ATN1: variants seen among roughly 807,000 people sequenced by gnomAD.
ATN1 encodes the protein atrophin-1.
Under a neutral mutation model 85.8 loss-of-function variants are expected in ATN1, and 19 were observed. The ratio of observed to expected loss-of-function variants is 0.22; its 90% CI spans 0.15 to 0.32. The LOEUF (loss-of-function observed/expected upper bound fraction) is 0.32. Ranked by LOEUF, ATN1 falls within the 10% of genes least tolerant of loss-of-function variation. The pLI is 1.00. For missense variants in ATN1, 1,453 were observed against 1,564.5 expected (o/e 0.93, Z 1.20); for synonymous variants, 674 against 657.0 (o/e 1.03, Z -0.39).
chr12:6,926,085 C>T (rs903412355), upstream of ATN1, among the ~76,000 whole-genome samples: 54 of 152,168 alleles, frequency 3.5e-4, 1 homozygote, highest in Admixed American at 3.3e-4. Context: ...GGCGGAGGTG[C>T]TGGCTTCACG....
In ATN1 at chr12:6,933,891, T is replaced by C. The variant is rs1379021836; in HGVS notation, c.-111T>C. The C allele has an allele frequency of 1.4e-5, 19 of 1,370,110 alleles. No individual in the cohort carries two copies. In the South Asian group the frequency reaches 1.9e-4, roughly 14 times the overall value. The allele number at this position is 1,370,110 out of a possible 1,614,324, so 84.9% of individuals were successfully genotyped here. Reference sequence around the variant, plus strand: ...AGTTCCAGGTGCCCACACTGGAAACTTGGAGATCCTGCTTCCCAGACCACA... The same window carrying C: ...AGTTCCAGGTGCCCACACTGGAAACCTGGAGATCCTGCTTCCCAGACCACA... On this transcript the variant is annotated 5_prime_UTR_variant, in exon 2 of 10. Coordinates refer to ENST00000396684, the MANE Select transcript of ATN1 (RefSeq NM_001940.4).
chr12:6,932,438 A>C (rs1945477876), intron 1 of ATN1, among the ~76,000 whole-genome samples: 1 of 152,230 alleles, frequency 6.6e-6, no homozygotes, highest in African/African-American at 2.4e-5. Context: ...ACAGTAAGAA[A>C]ATACCATTTT....
chr12:6,938,137 G>C, intron 6 of ATN1, 70 bp downstream of exon 6: 1 of 1,465,994 alleles, frequency 6.8e-7, no homozygotes, highest in African/African-American at 1.4e-5. Flanking sequence ...GCTGCGCTGC[G>C]CTACGCTACG....
chr12:6,938,173 G>C, intron 6 of ATN1, 106 bp downstream of exon 6: 1 of 1,440,846 alleles, frequency 6.9e-7, no homozygotes, highest in Admixed American at 2.7e-5. Context: ...TGGGTGGGCG[G>C]GCGAGTCACG....
intron 1 of ATN1, among the ~76,000 whole-genome samples, chr12:6,928,691 A>C (rs1366036975): frequency 6.6e-6 from 1 of 152,190 alleles, no homozygotes; most frequent in Non-Finnish European, 1.5e-5. Flanking sequence ...CCGCAGACTC[A>C]AAAGAGGAGG....
chr12:6,937,391 GCCA>G lies in ATN1; in HGVS notation c.2133_2135del (p.Pro712del). Reference sequence around the variant, plus strand: ...CGGGGCCCTCAGGCCTGCCATCGCTGCCACCACCACCTGCGGCCCCTGCCTCAG... The same window carrying G: ...CGGGGCCCTCAGGCCTGCCATCGCTGCCACCACCTGCGGCCCCTGCCTCAG... On this transcript the variant is annotated inframe_deletion, in exon 5 of 10. Transcript: ENST00000396684. This position sits in a 1 kb window ranked among gnomAD's most constrained non-coding sequence, Gnocchi z 6.0. The G allele has an allele frequency of 6.5e-7, 1 of 1,548,996 alleles. No homozygotes were observed. Among genetic ancestry groups the G allele is most frequent in the Non-Finnish European group, 8.7e-7 (1 of 1,148,018 alleles).
Position 6,934,156 on chromosome 12 carries a change from C to T in ATN1, c.28-20C>T, listed in dbSNP as rs1945500493. On this transcript the variant is annotated intron_variant, in intron 2 of 9. Coordinates refer to ENST00000396684, the MANE Select transcript of ATN1 (RefSeq NM_001940.4). This position sits in a 1 kb window ranked among gnomAD's most constrained non-coding sequence, Gnocchi z 4.5. Reference sequence around the variant, plus strand: ...GCAATGTAAAGAACAGTGTTACCTACCTCCTTCCTCCTCCTGTAGATGTCA... The same window carrying T: ...GCAATGTAAAGAACAGTGTTACCTATCTCCTTCCTCCTCCTGTAGATGTCA... 2.5e-6 allele frequency: 4 copies of T among 1,613,608 alleles called. No individual in the cohort carries two copies. The highest frequency in any genetic ancestry group is 2.2e-5 in the East Asian group (1 of 44,880).
At position 6,941,369 on chromosome 12, in the gene ATN1, C is replaced by T; in HGVS notation, c.3359-5C>T. Reference sequence around the variant, plus strand: ...TCATATGCCCCTTGCCCTTCCTGCTCACAGCTGCCCCTTACCGGGACCTGC... The same window carrying T: ...TCATATGCCCCTTGCCCTTCCTGCTTACAGCTGCCCCTTACCGGGACCTGC... On this transcript the variant is annotated splice_polypyrimidine_tract_variant and splice_region_variant and intron_variant, in intron 8 of 9. Transcript: ENST00000396684. The surrounding 1 kb of genome is among the most constrained non-coding windows in gnomAD (Gnocchi z 5.9). The T allele has an allele frequency of 4.4e-6, 7 of 1,591,530 alleles. No individual in the cohort carries two copies. Among genetic ancestry groups the T allele is most frequent in the Non-Finnish European group, 6.0e-6 (7 of 1,168,626 alleles).
rs1555144262 is a variant in ATN1, at chr12:6,938,777, T to G, written c.2814T>G (p.Arg938=). 6.2e-7 allele frequency: 1 copy of G among 1,613,948 alleles called. No homozygotes were observed. Among genetic ancestry groups the G allele is most frequent in the Non-Finnish European group, 8.5e-7 (1 of 1,180,032 alleles). ...PAAREREREA[R]ERDLRDRLKP... ...CCCGGGAGAGGGAACGGGAAGCCCG[T>G]GAACGAGACCTCCGTGACCGCCTCA... Residue 938 remains arginine (R), a synonymous_variant, in exon 7 of 10, where the codon CGT becomes CGG. Coordinates refer to ENST00000396684, the MANE Select transcript of ATN1 (RefSeq NM_001940.4).
intron 7 of ATN1, among the ~76,000 whole-genome samples, chr12:6,939,809 A>G (rs1200659419): frequency 1.3e-5 from 2 of 151,378 alleles, no homozygotes; most frequent in Non-Finnish European, 2.9e-5. Flanking sequence ...CAACCCACAA[A>G]CCTATCTTCT....
At position 6,934,942 on chromosome 12, in the gene ATN1, G is replaced by A. The variant is rs1325894007; in HGVS notation, c.279+364G>A. Among the ~76,000 whole-genome samples the A allele has an allele frequency of 6.6e-6, 1 of 152,134 alleles. No homozygotes were observed. Among genetic ancestry groups the A allele is most frequent in the African/African-American group, 2.4e-5 (1 of 41,424 alleles). Reference sequence around the variant, plus strand: ...GTTTCGCTCTGTCACCCAGGCTGGAGTACAGTGGCACAATCTCAGCTCATT... The same window carrying A: ...GTTTCGCTCTGTCACCCAGGCTGGAATACAGTGGCACAATCTCAGCTCATT... On this transcript the variant is annotated intron_variant, in intron 4 of 9. Coordinates refer to ENST00000396684, the MANE Select transcript of ATN1 (RefSeq NM_001940.4). The surrounding 1 kb of genome is among the most constrained non-coding windows in gnomAD (Gnocchi z 4.5).
rs1410945431 is a variant in ATN1 at position 6,937,087 on chromosome 12, TCAC to T, written c.1825_1827del (p.Thr609del). 5 of 1,612,602 alleles carry T rather than the reference TCAC, an allele frequency of 3.1e-6. No individual in the cohort carries two copies. The highest frequency in any genetic ancestry group is 3.3e-5 in the Admixed American group (2 of 59,988). Reference sequence around the variant, plus strand: ...TACCCTTTCCCACCGGTGCCTACGGTCACCACCTCTTCGGCTACCCTTTCCACG... The same window carrying T: ...TACCCTTTCCCACCGGTGCCTACGGTCACCTCTTCGGCTACCCTTTCCACG... On this transcript the variant is annotated inframe_deletion, in exon 5 of 10. Coordinates refer to ENST00000396684, the MANE Select transcript of ATN1 (RefSeq NM_001940.4). The surrounding 1 kb of genome is among the most constrained non-coding windows in gnomAD (Gnocchi z 6.0).
intron 7 of ATN1, among the ~76,000 whole-genome samples, chr12:6,940,499 C>T (rs782042731): frequency 1.3e-5 from 2 of 152,018 alleles, no homozygotes; most frequent in Non-Finnish European, 2.9e-5. Context: ...AACTCCTCAC[C>T]TCAGGTGAGC....
intron 6 of ATN1, 67 bp downstream of exon 6, chr12:6,938,134 T>G (rs1337526486): frequency 1.4e-6 from 2 of 1,473,126 alleles, no homozygotes; most frequent in Non-Finnish European, 1.8e-6. Flanking sequence ...TGCGCTGCGC[T>G]GCGCTACGCT....
At chr12:6,938,391 A>G (rs2138218469) in intron 6 of ATN1, 90 bp from the exon 7 acceptor site, 3 of 1,459,094 alleles carry the variant, frequency 2.1e-6, no homozygotes, top group East Asian at 5.0e-5. Context: ...GCATTTTGGC[A>G]TTCGGCTGTC....
At position 6,940,867 on chromosome 12, in the gene ATN1, C is replaced by A; in HGVS notation, c.3215-13C>A. 6.2e-7 allele frequency: 1 copy of A among 1,614,194 alleles called. No homozygotes were observed. The highest frequency in any genetic ancestry group is 8.5e-7 in the Non-Finnish European group (1 of 1,180,026). ...TGCCTTCTGGTGACACCTTCCTCTT[C>A]TCTGCCCTCCAGCCTCTGCCTCGGT... On this transcript the variant is annotated splice_polypyrimidine_tract_variant and intron_variant, in intron 7 of 9. Coordinates refer to ENST00000396684, the MANE Select transcript of ATN1 (RefSeq NM_001940.4).
intron 7 of ATN1, among the ~76,000 whole-genome samples, chr12:6,940,606 CCTT>C (rs782762423): frequency 2.0e-5 from 3 of 152,266 alleles, no homozygotes; most frequent in African/African-American, 4.8e-5. Flanking sequence ...TCATCTTCCA[CCTT>C]CTTCACGCAG....
At chr12:6,930,117 C>A (rs1945441910) in intron 1 of ATN1, among the ~76,000 whole-genome samples, 1 of 152,202 alleles carries the variant, frequency 6.6e-6, no homozygotes, top group Non-Finnish European at 1.5e-5. Context: ...TGACCTTGGG[C>A]AAGTCACTTC....
At position 6,937,430 on chromosome 12, in the gene ATN1, G is replaced by C; in HGVS notation, c.2163G>C (p.Leu721=). ...PPAAPASGPP[L]SATQIKQEPA... ...CGGCCCCTGCCTCAGGGCCGCCCCT[G>C]AGCGCCACGCAGATCAAACAGGAGC... The change falls in exon 5 of 10, where the codon CTG becomes CTC. Residue 721 remains leucine, a synonymous_variant. Coordinates refer to ENST00000396684, the MANE Select transcript of ATN1 (RefSeq NM_001940.4). This position sits in a 1 kb window ranked among gnomAD's most constrained non-coding sequence, Gnocchi z 6.0. 6.5e-7 allele frequency: 1 copy of C among 1,547,490 alleles called. No individual in the cohort carries two copies. The highest frequency in any genetic ancestry group is 8.7e-7 in the Non-Finnish European group (1 of 1,147,380).
Sources: allele counts gnomAD v4.1 joint callset (sites outside exome capture counted in the v4.1 genomes callset), GRCh38; gene constraint gnomAD v4.1.1; non-coding constraint Gnocchi (gnomAD v3.1); transcripts MANE v1.5; gene names NCBI Gene and HGNC (gene_info 2026-07-23, HGNC 2026-07-21).